The following ARHGAP6 variants were observed in gnomAD, a reference collection of about 807,000 sequenced individuals.
ARHGAP6 encodes Rho GTPase activating protein 6.
Under a neutral mutation model 55.7 loss-of-function variants are expected in ARHGAP6, and 16 were observed. The ratio of observed to expected loss-of-function variants is 0.29; its 90% CI spans 0.19 to 0.44. The LOEUF is 0.44. ARHGAP6 is among the 20% of genes least tolerant of loss of function. ARHGAP6 has a pLI of 1.00. For synonymous variants in ARHGAP6, 382 were observed against 360.9 expected (o/e 1.06, Z -0.66); for missense variants, 698 against 808.9 (o/e 0.86, Z 1.66).
intron 5 of ARHGAP6, among the ~76,000 whole-genome samples, chrX:11,184,812 G>A: frequency 9.0e-6 from 1 of 111,725 alleles, no homozygotes; most frequent in Non-Finnish European, 1.9e-5. Flanking sequence ...TAAATAGTGT[G>A]ATTATCCGGT....
intron 1 of ARHGAP6, among the ~76,000 whole-genome samples, chrX:11,289,752 C>T (rs897070360): frequency 8.1e-5 from 9 of 111,029 alleles, no homozygotes; most frequent in Non-Finnish European, 1.5e-4. Flanking sequence ...TTTGGGAGGC[C>T]GAGGCAGGCA....
chrX:11,584,904 G>A (rs1328120371), intron 1 of ARHGAP6, among the ~76,000 whole-genome samples: 1 of 111,503 alleles, frequency 9.0e-6, no homozygotes, highest in Non-Finnish European at 1.9e-5. Flanking sequence ...CAGTGTCATG[G>A]AGGCTTGTTG....
At chrX:11,647,462 C>A (rs768125856) in intron 1 of ARHGAP6, among the ~76,000 whole-genome samples, 1 of 111,885 alleles carries the variant, frequency 8.9e-6, no homozygotes, top group African/African-American at 3.2e-5. Context: ...TAAGGACAGA[C>A]AAAGCAATAG....
chrX:11,289,226 T>A (rs932081770), intron 1 of ARHGAP6, among the ~76,000 whole-genome samples: 2 of 111,401 alleles, frequency 1.8e-5, no homozygotes, highest in African/African-American at 6.5e-5. Flanking sequence ...AATCGTGTGT[T>A]TTTTTTTGTC....
At chrX:11,342,714 C>T (rs57008965) in intron 1 of ARHGAP6, among the ~76,000 whole-genome samples, 6,554 of 111,787 alleles carry the variant, frequency 0.059, 205 homozygotes, top group African/African-American at 0.12. Flanking sequence ...TATGGTAACA[C>T]CTAACTTTAT....
intron 1 of ARHGAP6, among the ~76,000 whole-genome samples, chrX:11,330,205 G>T (rs1384963627): frequency 8.9e-6 from 1 of 112,957 alleles, no homozygotes; most frequent in African/African-American, 3.2e-5. Flanking sequence ...AAACGAGGAA[G>T]ACATTTGAGT....
intron 1 of ARHGAP6, among the ~76,000 whole-genome samples, chrX:11,572,127 C>T (rs1421517413): frequency 1.8e-5 from 2 of 111,578 alleles, no homozygotes; most frequent in African/African-American, 6.5e-5. Context: ...AGATGCTAAA[C>T]TATTTGTACT....
At chrX:11,332,412 A>T (rs1358246523) in intron 1 of ARHGAP6, among the ~76,000 whole-genome samples, 1 of 111,624 alleles carries the variant, frequency 9.0e-6, no homozygotes, top group Non-Finnish European at 1.9e-5. Context: ...GTTCTAGAGG[A>T]CACATACATT....
chrX:11,572,341 C>A (rs1284635855), intron 1 of ARHGAP6, among the ~76,000 whole-genome samples: 1 of 109,862 alleles, frequency 9.1e-6, no homozygotes, highest in Admixed American at 9.7e-5. Flanking sequence ...CTCCCCCCTC[C>A]TCCCACCCCA....
intron 1 of ARHGAP6, among the ~76,000 whole-genome samples, chrX:11,316,542 A>G (rs1040785546): frequency 8.9e-6 from 1 of 112,790 alleles, no homozygotes; most frequent in Admixed American, 9.4e-5. Context: ...TTACCTACAT[A>G]GCTGTCACTT....
intron 1 of ARHGAP6, among the ~76,000 whole-genome samples, chrX:11,442,257 C>CA (rs2147798872): frequency 9.2e-6 from 1 of 108,958 alleles, no homozygotes; most frequent in Admixed American, 9.9e-5. Flanking sequence ...ATATGTCAGC[C>CA]AAAAAATATG....
At chrX:11,472,266 G>T (rs1292513398) in intron 1 of ARHGAP6, among the ~76,000 whole-genome samples, 1 of 111,354 alleles carries the variant, frequency 9.0e-6, no homozygotes, top group Non-Finnish European at 1.9e-5. Flanking sequence ...TCTCCAGATC[G>T]CCAAATTTGC....
In ARHGAP6 at chrX:11,169,549, C is replaced by T. The variant is rs769596416; in HGVS notation, c.1765G>A (p.Ala589Thr). 5 of 1,201,159 alleles carry T rather than the reference C, an allele frequency of 4.2e-6. No homozygotes were observed. The highest frequency in any genetic ancestry group is 2.2e-5 in the Admixed American group (1 of 44,587). Residue 589 changes from alanine (A) to threonine (T), a missense_variant, in exon 9 of 13, where the codon GCT becomes ACT. Around this residue, in one of 3 missense-constraint regions of ARHGAP6, gnomAD observed 322 missense variants for 451.1 expected, o/e 0.71. Transcript: ENST00000337414. ...ARAEESTAII[A>T]VVQKMIENYE... ...TTTTCAATCATCTTTTGCACAACAG[C>T]GATGATGGCCGTGCTCTCCTCAGCC...
chrX:11,307,264 C>G (rs751450992), intron 1 of ARHGAP6, among the ~76,000 whole-genome samples: 2 of 110,983 alleles, frequency 1.8e-5, no homozygotes, highest in Non-Finnish European at 3.8e-5. Context: ...CTGAAATTCA[C>G]CGAGAATGAC....
intron 1 of ARHGAP6, among the ~76,000 whole-genome samples, chrX:11,413,035 G>A (rs1364040658): frequency 8.9e-6 from 1 of 112,118 alleles, no homozygotes; most frequent in Non-Finnish European, 1.9e-5. Context: ...TCACAAGGGT[G>A]CTGACCCGGT....
At chrX:11,322,206 T>G (rs974504335) in intron 1 of ARHGAP6, among the ~76,000 whole-genome samples, 1 of 111,907 alleles carries the variant, frequency 8.9e-6, no homozygotes, top group African/African-American at 3.3e-5. Flanking sequence ...GTTTTTGTGG[T>G]GGGTGTTGCT....
At chrX:11,291,256 G>C (rs2047986844) in intron 1 of ARHGAP6, among the ~76,000 whole-genome samples, 1 of 111,819 alleles carries the variant, frequency 8.9e-6, no homozygotes, top group African/African-American at 3.2e-5. Context: ...TATGATTCAG[G>C]ATATGCAGTA....
chrX:11,503,391 T>C (rs182981498), intron 1 of ARHGAP6, among the ~76,000 whole-genome samples: 5 of 111,997 alleles, frequency 4.5e-5, no homozygotes, highest in African/African-American at 1.6e-4. Context: ...ACTGTGTGTA[T>C]TAATTCATGA....
intron 1 of ARHGAP6, among the ~76,000 whole-genome samples, chrX:11,473,963 TCC>T (rs1423666253): frequency 9.0e-6 from 1 of 111,094 alleles, no homozygotes; most frequent in East Asian, 2.8e-4. Flanking sequence ...TTCTCAACAC[TCC>T]TTTTGGCTGC....
Sources: gnomAD v4.1 joint callset for allele counts (sites outside exome capture counted in the v4.1 genomes callset) on GRCh38, gnomAD v4.1.1 for gene constraint, gnomAD v4.1.1 regional missense constraint, MANE v1.5 for transcripts, NCBI Gene and HGNC (gene_info 2026-07-23, HGNC 2026-07-21) for gene names.